The following SIK3 variants were observed in gnomAD, a reference collection of about 807,000 sequenced individuals.
SIK3 encodes serine/threonine-protein kinase SIK3.
SIK3 carries 28 observed loss-of-function variants against 144.2 expected under a neutral mutation model. The observed-to-expected ratio is 0.19, with a 90% confidence interval of 0.14 to 0.27. The LOEUF is 0.27. SIK3 is among the 10% of genes least tolerant of loss of function. The pLI is 1.00. For missense variants in SIK3, 1,319 were observed against 1,776.0 expected (o/e 0.74, Z 4.62); for synonymous variants, 686 against 676.3 (o/e 1.01, Z -0.22).
intron 1 of SIK3, among the ~76,000 whole-genome samples, chr11:117,005,082 A>C (rs1027941743): frequency 6.6e-6 from 1 of 152,162 alleles, no homozygotes; most frequent in Non-Finnish European, 1.5e-5. Flanking sequence ...TATCATTGAG[A>C]TCAGTTTTTA....
At chr11:117,050,566 A>T (rs2135907561) in intron 1 of SIK3, among the ~76,000 whole-genome samples, 1 of 151,572 alleles carries the variant, frequency 6.6e-6, no homozygotes, top group South Asian at 2.1e-4. Context: ...CACGCCTGTA[A>T]TCCCAGCTAC....
At chr11:117,001,545 A>T (rs1211087712) in intron 1 of SIK3, among the ~76,000 whole-genome samples, 1 of 151,906 alleles carries the variant, frequency 6.6e-6, no homozygotes, top group Admixed American at 6.6e-5. Flanking sequence ...TGAGCTGGGC[A>T]CAGTGGCTCA....
intron 1 of SIK3, among the ~76,000 whole-genome samples, chr11:116,961,226 A>G (rs1038686874): frequency 6.6e-6 from 1 of 152,194 alleles, no homozygotes; most frequent in African/African-American, 2.4e-5. Context: ...CTGAGAGGAG[A>G]GAACTTACTG....
chr11:117,006,443 A>C (rs10790169), intron 1 of SIK3, among the ~76,000 whole-genome samples: 130,462 of 152,048 alleles, frequency 0.86, 56,633 homozygotes, highest in African/African-American at 0.91. Context: ...AAAACAAAGG[A>C]TCCTTCTATT....
intron 15 of SIK3, among the ~76,000 whole-genome samples, chr11:116,865,598 A>C (rs763113096): frequency 3.9e-5 from 6 of 152,176 alleles, no homozygotes; most frequent in Non-Finnish European, 8.8e-5. Flanking sequence ...AGTTTAAAAA[A>C]ATTTTTTAGT....
chr11:117,066,479 A>ACTTGTATC (rs1287630222), intron 1 of SIK3, among the ~76,000 whole-genome samples: 1 of 151,778 alleles, frequency 6.6e-6, no homozygotes, highest in Non-Finnish European at 1.5e-5. Context: ...ATAACACAGG[A>ACTTGTATC]CTTGTATCCA....
intron 6 of SIK3, among the ~76,000 whole-genome samples, chr11:116,891,375 G>A (rs1945098502): frequency 6.6e-6 from 1 of 152,186 alleles, no homozygotes; most frequent in Admixed American, 6.5e-5. Context: ...CAGCTACTTG[G>A]GAGACTGAGG....
intron 4 of SIK3, among the ~76,000 whole-genome samples, chr11:116,925,910 T>C (rs1409268234): frequency 3.9e-5 from 6 of 152,322 alleles, no homozygotes; most frequent in African/African-American, 1.4e-4. Flanking sequence ...TGAAAGAACT[T>C]ATAAATGATA....
intron 1 of SIK3, among the ~76,000 whole-genome samples, chr11:117,067,908 C>T (rs575302588): frequency 3.9e-5 from 6 of 152,036 alleles, no homozygotes; most frequent in East Asian, 1.9e-4. Context: ...CGCTTCAACC[C>T]GGGAGGCGGA....
Position 116,846,547 on chromosome 11 carries a change from C to A in SIK3, c.3959G>T (p.Gly1320Val). ...GTGCTCATGACCTCCCAGGCTTGCC[C>A]CACATTCTGCAAGACCAAAAAGAAC... ...QFQDGENEEC[G>V]ASLGGHEHPD... Residue 1320 changes from glycine (G) to valine (V), a missense_variant, in exon 24 of 25, where the codon GGG (glycine) becomes GTG (valine). Transcript: ENST00000445177. This position sits in a 1 kb window ranked among gnomAD's most constrained non-coding sequence, Gnocchi z 4.1. 6.2e-7 allele frequency: 1 copy of A among 1,614,088 alleles called. No homozygotes were observed. Among genetic ancestry groups the A allele is most frequent in the Non-Finnish European group, 8.5e-7 (1 of 1,179,992 alleles).
intron 1 of SIK3, among the ~76,000 whole-genome samples, chr11:117,027,278 C>T (rs947312097): frequency 3.3e-5 from 5 of 152,188 alleles, no homozygotes; most frequent in African/African-American, 4.8e-5. Context: ...ACTGGTAGTA[C>T]ACAAGTTTGT....
chr11:116,855,726 G>GTGAGTACTCT (rs1942857621), intron 21 of SIK3: 1 of 152,244 alleles, frequency 6.6e-6, no homozygotes, highest in South Asian at 2.1e-4. Flanking sequence ...GACAGCTAGT[G>GTGAGTACTCT]TGAGTACTCT....
In SIK3 at chr11:117,066,767, C is replaced by G. The variant is rs144180358; in HGVS notation, c.273+31376G>C. Among the ~76,000 whole-genome samples the G allele has an allele frequency of 6.7e-3, 1,025 of 152,096 alleles. 19 individuals carry two copies. Among genetic ancestry groups the G allele is most frequent in the African/African-American group, 0.023 (945 of 41,470 alleles). On this transcript the variant is annotated intron_variant, in intron 1 of 24. Transcript: ENST00000445177. ...CAGGGTGGTCTCGAACTCCTGGCTT[C>G]AAGTGGTCCTCCCACTTTGGCCTCC...
chr11:116,870,428 C>A, intron 13 of SIK3, 27 bp from the exon 14 acceptor site: 1 of 1,612,096 alleles, frequency 6.2e-7, no homozygotes, highest in East Asian at 2.2e-5. Flanking sequence ...AGGAAAAGCT[C>A]AAGGTGGCAG....
chr11:117,097,901 C>A lies in SIK3; in HGVS notation c.273+242G>T, dbSNP rs1015943335. On this transcript the variant is annotated intron_variant, in intron 1 of 24. Transcript: ENST00000445177. ...GCCCTCAGCCCCGAGGACCCCTCCC[C>A]GCGCCCGGCTCCTGGGCGCCGGTGC... Among the ~76,000 whole-genome samples, 52 of 151,960 alleles carry A rather than the reference C, an allele frequency of 3.4e-4. 1 individual carries two copies.
In SIK3 at chr11:116,940,130, G is replaced by A. The variant is rs529690172; in HGVS notation, c.455-12750C>T. Among the ~76,000 whole-genome samples, 41 of 152,078 alleles carry A rather than the reference G, an allele frequency of 2.7e-4. 1 individual carries two copies. The South Asian group carries it at 8.3e-3, about 31-fold the overall frequency. On this transcript the variant is annotated intron_variant, in intron 3 of 24. Coordinates refer to ENST00000445177, the MANE Select transcript of SIK3 (RefSeq NM_001366686.3). The stretch of plus-strand genomic sequence containing the variant: ...TTTACCTAACTATAGAAGCTGGGCT[G>A]TTTGTAGACACTGGATAATAACAAA...
chr11:116,915,523 T>C (rs1946585748), intron 4 of SIK3, among the ~76,000 whole-genome samples: 2 of 152,208 alleles, frequency 1.3e-5, no homozygotes, highest in Non-Finnish European at 2.9e-5. Context: ...ACTATGAATG[T>C]AGATAGTCTT....
intron 1 of SIK3, among the ~76,000 whole-genome samples, chr11:117,036,406 T>C (rs1392960801): frequency 2.6e-5 from 4 of 152,246 alleles, no homozygotes; most frequent in African/African-American, 4.8e-5. Flanking sequence ...ATTGTGCTTA[T>C]AGAAGAGTCA....
chr11:117,032,497 G>GT (rs1464369533), intron 1 of SIK3, among the ~76,000 whole-genome samples: 1 of 151,722 alleles, frequency 6.6e-6, no homozygotes, highest in East Asian at 1.9e-4. Flanking sequence ...TTGTTTTTTT[G>GT]TTTTTGTTTT....
Sources: allele counts gnomAD v4.1 joint callset (sites outside exome capture counted in the v4.1 genomes callset), GRCh38; gene constraint gnomAD v4.1.1; non-coding constraint Gnocchi (gnomAD v3.1); transcripts MANE v1.5; gene names NCBI Gene and HGNC (gene_info 2026-07-23, HGNC 2026-07-21).